Variants in SUSD4 observed in about 807,000 individuals in gnomAD.
The protein encoded by SUSD4 is sushi domain-containing protein 4.
In SUSD4, 41 loss-of-function variants were observed where a neutral mutation model predicts 50.5. The observed-to-expected ratio is 0.81, with a 90% CI of 0.63 to 1.05. The LOEUF (loss-of-function observed/expected upper bound fraction) is 1.05, where lower values mean the gene tolerates loss of function less well. SUSD4 is among the 50% of genes least tolerant of loss of function. SUSD4 has a pLI of 0.00. For synonymous variants in SUSD4, 257 were observed against 257.3 expected, an observed-to-expected ratio of 1.00 and a Z score of 0.01; for missense variants, 580 against 634.7, an observed-to-expected ratio of 0.91 and a Z score of 0.93.
chr1:223,354,430 C>A (rs1310383813), intron 2 of SUSD4, among the ~76,000 whole-genome samples: 1 of 151,882 alleles, frequency 6.6e-6, no homozygotes, highest in African/African-American at 2.4e-5. Flanking sequence ...ATTTACAATC[C>A]AAGGGGAAAA....
At chr1:223,228,120 T>C (rs1013129624) in intron 6 of SUSD4, among the ~76,000 whole-genome samples, 4 of 152,078 alleles carry the variant, frequency 2.6e-5, no homozygotes, top group African/African-American at 9.7e-5. Flanking sequence ...GCTGGGCCCT[T>C]TGTGAATGTT....
intron 2 of SUSD4, among the ~76,000 whole-genome samples, chr1:223,358,404 C>A (rs75789883): frequency 1.3e-5 from 2 of 152,118 alleles, no homozygotes; most frequent in South Asian, 2.1e-4. Flanking sequence ...AGCTAGGTGG[C>A]AATTTAAGGA....
intron 2 of SUSD4, among the ~76,000 whole-genome samples, chr1:223,357,575 G>C (rs1462957086): frequency 6.6e-6 from 1 of 152,164 alleles, no homozygotes; most frequent in Non-Finnish European, 1.5e-5. Context: ...ACTTCATACA[G>C]TTGTGAGGAA....
chr1:223,349,938 GTAAT>G (rs1284063758), intron 2 of SUSD4, among the ~76,000 whole-genome samples: 1 of 152,138 alleles, frequency 6.6e-6, no homozygotes, highest in African/African-American at 2.4e-5. Context: ...CCTTTAAGAG[GTAAT>G]TAAAGTTAAA....
At chr1:223,272,315 C>A (rs1389944947) in intron 3 of SUSD4, among the ~76,000 whole-genome samples, 2 of 152,192 alleles carry the variant, frequency 1.3e-5, no homozygotes, top group Non-Finnish European at 2.9e-5. Context: ...TCAAAGCCTT[C>A]CATTCTGGAA....
intron 2 of SUSD4, among the ~76,000 whole-genome samples, chr1:223,350,925 A>G (rs1668323299): frequency 6.6e-6 from 1 of 152,224 alleles, no homozygotes; most frequent in Non-Finnish European, 1.5e-5. Context: ...AAAAAAGATA[A>G]ATCGGTTGTG....
At chr1:223,261,097 A>C (rs61837627) in intron 5 of SUSD4, among the ~76,000 whole-genome samples, 43,634 of 152,062 alleles carry the variant, frequency 0.29, 7,760 homozygotes, top group Non-Finnish European at 0.41. Context: ...TCACTGGCTG[A>C]AGTGGGGTTC....
At chr1:223,354,171 G>A (rs1668528172) in intron 2 of SUSD4, among the ~76,000 whole-genome samples, 1 of 152,052 alleles carries the variant, frequency 6.6e-6, no homozygotes, top group Admixed American at 6.6e-5. Flanking sequence ...TCTGTTCATT[G>A]ACATGGGCAT....
intron 5 of SUSD4, among the ~76,000 whole-genome samples, chr1:223,235,842 G>C (rs1354838064): frequency 1.3e-5 from 2 of 152,142 alleles, no homozygotes; most frequent in African/African-American, 2.4e-5. Flanking sequence ...GCAGGTTTTG[G>C]TGTGGACATA....
At chr1:223,306,951 G>GC (rs1558235126) in intron 2 of SUSD4, among the ~76,000 whole-genome samples, 1 of 144,348 alleles carries the variant, frequency 6.9e-6, no homozygotes, top group African/African-American at 2.6e-5. Context: ...ATATGGATGA[G>GC]TTTTTTTTTT....
At chr1:223,353,441 A>G (rs1668478064) in intron 2 of SUSD4, among the ~76,000 whole-genome samples, 1 of 152,302 alleles carries the variant, frequency 6.6e-6, no homozygotes, top group South Asian at 2.1e-4. Flanking sequence ...ATACCAGCAC[A>G]TCCTATGTCC....
At chr1:223,337,785 T>C (rs1395518051) in intron 2 of SUSD4, among the ~76,000 whole-genome samples, 1 of 152,154 alleles carries the variant, frequency 6.6e-6, no homozygotes, top group Non-Finnish European at 1.5e-5. Context: ...AGGGCTGCTG[T>C]TTTTAGTATA....
At chr1:223,243,116 G>A (rs1660696406) in intron 5 of SUSD4, among the ~76,000 whole-genome samples, 1 of 152,016 alleles carries the variant, frequency 6.6e-6, no homozygotes, top group Non-Finnish European at 1.5e-5. Context: ...GGAGCCCTGT[G>A]GCTCCAGGCT....
intron 2 of SUSD4, among the ~76,000 whole-genome samples, chr1:223,320,159 A>C (rs1484727550): frequency 6.6e-6 from 1 of 152,134 alleles, no homozygotes; most frequent in Non-Finnish European, 1.5e-5. Context: ...TTCTTCTGGG[A>C]GTTACACTTT....
intron 3 of SUSD4, among the ~76,000 whole-genome samples, chr1:223,284,967 C>G (rs1363903867): frequency 6.6e-6 from 1 of 151,908 alleles, no homozygotes. Context: ...TAACTACGGT[C>G]AACAATAATA....
At chr1:223,230,843 C>T (rs1288416985) in intron 5 of SUSD4, 1 of 152,232 alleles carries the variant, frequency 6.6e-6, no homozygotes, top group Admixed American at 6.5e-5. Flanking sequence ...CATCTTTGAG[C>T]TTCAGGGTCC....
chr1:223,270,862 G>C (rs1170532676), intron 3 of SUSD4, among the ~76,000 whole-genome samples: 2 of 152,126 alleles, frequency 1.3e-5, no homozygotes, highest in African/African-American at 4.8e-5. Flanking sequence ...CGCCCAGCCT[G>C]AAAAGGGGTT....
intron 2 of SUSD4, among the ~76,000 whole-genome samples, chr1:223,314,704 T>A (rs992424808): frequency 3.9e-5 from 6 of 152,068 alleles, no homozygotes; most frequent in South Asian, 2.1e-4. Flanking sequence ...GGGAGTTTCC[T>A]TGCACGAGCT....
chr1:223,227,833 A>G lies in SUSD4; in HGVS notation c.917-95T>C. ...CTCATTTGCTGGATTCATCTGGCACAAGAGATGCGTGCAAGGTGCCTCTGA... is the reference window on the plus strand; with the variant it reads ...CTCATTTGCTGGATTCATCTGGCACGAGAGATGCGTGCAAGGTGCCTCTGA... On this transcript the variant is annotated intron_variant, in intron 6 of 8. Transcript: ENST00000366878. The surrounding 1 kb of genome is among the most constrained non-coding windows in gnomAD (Gnocchi z 4.5). 6.8e-7 allele frequency: 1 copy of G among 1,468,404 alleles called. No homozygotes were observed. The highest frequency in any genetic ancestry group is 1.3e-5 in the South Asian group (1 of 74,342). 91.0% of individuals were successfully genotyped at this position (1,468,404 alleles called of 1,614,324 possible).
Sources: allele counts gnomAD v4.1 joint callset (sites outside exome capture counted in the v4.1 genomes callset), GRCh38; gene constraint gnomAD v4.1.1; non-coding constraint Gnocchi (gnomAD v3.1); transcripts MANE v1.5; gene names NCBI Gene and HGNC (gene_info 2026-07-23, HGNC 2026-07-21).